The following SEMA3A variants were observed in gnomAD, a reference collection of about 807,000 sequenced individuals.
The protein encoded by SEMA3A is semaphorin 3A, also known as semaphorin-3A.
In SEMA3A, 29 loss-of-function variants were observed where a neutral mutation model predicts 97.9. That is an observed-to-expected ratio of 0.30 (90% CI 0.22 to 0.40). The LOEUF is 0.40. SEMA3A is among the 10% of genes least tolerant of loss of function. SEMA3A has a pLI of 1.00. For missense variants in SEMA3A, 763 were observed against 951.3 expected (o/e 0.80, Z 2.60); for synonymous variants, 321 against 323.7 (o/e 0.99, Z 0.09).
intron 1 of SEMA3A, among the ~76,000 whole-genome samples, chr7:84,429,229 T>C (rs1804904525): frequency 6.6e-6 from 1 of 151,784 alleles, no homozygotes; most frequent in South Asian, 2.1e-4. Flanking sequence ...TACCTACTAA[T>C]ATATCTGCTT....
intron 1 of SEMA3A, among the ~76,000 whole-genome samples, chr7:84,424,566 A>C (rs1584314071): frequency 1.2e-5 from 1 of 81,046 alleles, no homozygotes; most frequent in Non-Finnish European, 1.9e-5. Flanking sequence ...TATATAATAT[A>C]TAAATATTAA....
intron 2 of SEMA3A, among the ~76,000 whole-genome samples, chr7:84,342,318 A>G (rs1040058334): frequency 6.6e-6 from 1 of 152,140 alleles, no homozygotes; most frequent in African/African-American, 2.4e-5. Flanking sequence ...TACAGGTGTG[A>G]GCCACCACAC....
At chr7:84,328,597 G>A (rs148255908) in intron 2 of SEMA3A, among the ~76,000 whole-genome samples, 5 of 152,102 alleles carry the variant, frequency 3.3e-5, no homozygotes, top group African/African-American at 1.2e-4. Context: ...TGAATCAGTC[G>A]ATTATAACTG....
intron 1 of SEMA3A, among the ~76,000 whole-genome samples, chr7:84,437,652 T>C (rs1805171813): frequency 6.6e-6 from 1 of 151,782 alleles, no homozygotes; most frequent in African/African-American, 2.4e-5. Context: ...ATATCCATCC[T>C]GATACATGAG....
chr7:84,253,385 A>G (rs1243382142), intron 3 of SEMA3A, among the ~76,000 whole-genome samples: 1 of 152,078 alleles, frequency 6.6e-6, no homozygotes, highest in African/African-American at 2.4e-5. Context: ...AAATTGTGTT[A>G]AGGGTCACAA....
intron 1 of SEMA3A, among the ~76,000 whole-genome samples, chr7:84,470,022 A>G (rs1402799427): frequency 6.6e-6 from 1 of 151,726 alleles, no homozygotes; most frequent in Non-Finnish European, 1.5e-5. Flanking sequence ...AAATCATTAA[A>G]TATTCTAAAT....
chr7:84,241,246 T>C (rs1440132488), intron 3 of SEMA3A, among the ~76,000 whole-genome samples: 1 of 152,216 alleles, frequency 6.6e-6, no homozygotes, highest in Non-Finnish European at 1.5e-5. Flanking sequence ...TTCCTATTTC[T>C]CTACATCTTC....
intron 3 of SEMA3A, among the ~76,000 whole-genome samples, chr7:84,239,296 T>C (rs1799307142): frequency 6.6e-6 from 1 of 152,154 alleles, no homozygotes; most frequent in Non-Finnish European, 1.5e-5. Flanking sequence ...TGTAAAACAT[T>C]AGGTGTTTTA....
At chr7:84,124,667 A>G (rs1795736910) in intron 3 of SEMA3A, among the ~76,000 whole-genome samples, 1 of 152,202 alleles carries the variant, frequency 6.6e-6, no homozygotes, top group South Asian at 2.1e-4. Context: ...ATTGTTAAAA[A>G]TAATAATGCT....
Position 84,461,502 on chromosome 7 carries a change from A to G in SEMA3A, c.-246+30958T>C, listed in dbSNP as rs140412786. On this transcript the variant is annotated intron_variant, in intron 1 of 3. Coordinates refer to the SEMA3A transcript ENST00000424555. ...CAGCTGTCTTCCCCTTTTTTAAATA[A>G]GACAAACTTCAATGCATAATTTAGG... is the stretch of plus-strand genomic sequence containing the variant. Among the ~76,000 whole-genome samples the G allele has an allele frequency of 3.6e-3, 541 of 152,154 alleles. 2 individuals carry two copies. The highest frequency in any genetic ancestry group is 0.012 in the African/African-American group (510 of 41,518).
At chr7:84,409,690 A>T (rs1804207613) in intron 1 of SEMA3A, among the ~76,000 whole-genome samples, 1 of 152,128 alleles carries the variant, frequency 6.6e-6, no homozygotes, top group South Asian at 2.1e-4. Context: ...TTGATTTAGT[A>T]GTTCCCAAAT....
chr7:84,429,537 T>TAGAGAGAGAGAG (rs1359502527), intron 1 of SEMA3A, among the ~76,000 whole-genome samples: 1 of 120,470 alleles, frequency 8.3e-6, no homozygotes, highest in African/African-American at 3.2e-5. Context: ...TATATATATA[T>TAGAGAGAGAGAG]ATATATATAT....
chr7:84,254,121 T>C lies in SEMA3A; in HGVS notation c.-83+53086A>G, dbSNP rs79529650. 8.8e-3 allele frequency among the ~76,000 whole-genome samples: 1,342 copies of C among 152,232 alleles called. 2 individuals are homozygous for C. The highest frequency in any genetic ancestry group is 0.015 in the Non-Finnish European group (1,052 of 68,014). ...TCCTCAAACATCTGAAAGAGAGAAC[T>C]GGAAAGAAGGAGGCTGTGAGAGATT... On this transcript the variant is annotated intron_variant, in intron 3 of 3. Coordinates refer to the SEMA3A transcript ENST00000424555.
At chr7:84,041,975 C>T (rs1043584242) in intron 6 of SEMA3A, among the ~76,000 whole-genome samples, 12 of 152,002 alleles carry the variant, frequency 7.9e-5, no homozygotes, top group African/African-American at 2.7e-4. Flanking sequence ...ATAGTAAGAT[C>T]GAAATAGTGT....
intron 2 of SEMA3A, among the ~76,000 whole-genome samples, chr7:84,368,977 C>G (rs567063430): frequency 4.9e-4 from 74 of 150,842 alleles, no homozygotes; most frequent in Non-Finnish European, 9.4e-4. Flanking sequence ...AAATATATAT[C>G]CAGCCCAAAA....
At chr7:84,351,465 C>A (rs1437435810) in intron 2 of SEMA3A, among the ~76,000 whole-genome samples, 2 of 151,850 alleles carry the variant, frequency 1.3e-5, no homozygotes, top group African/African-American at 4.8e-5. Flanking sequence ...ATTTGACCAT[C>A]CTTATGGCAA....
intron 1 of SEMA3A, among the ~76,000 whole-genome samples, chr7:84,385,482 C>T (rs1475759367): frequency 6.6e-6 from 1 of 152,146 alleles, no homozygotes; most frequent in African/African-American, 2.4e-5. Context: ...CCAAACTCAT[C>T]GTTTCATTGC....
chr7:84,114,434 C>T (rs1795363547), intron 3 of SEMA3A, among the ~76,000 whole-genome samples: 1 of 152,006 alleles, frequency 6.6e-6, no homozygotes, highest in African/African-American at 2.4e-5. Context: ...TGACTCAGGT[C>T]AGTGAGAATT....
chr7:84,268,807 T>C (rs1800074485), intron 3 of SEMA3A, among the ~76,000 whole-genome samples: 1 of 152,134 alleles, frequency 6.6e-6, no homozygotes, highest in Non-Finnish European at 1.5e-5. Flanking sequence ...ATCAAATTAC[T>C]TGAAATTCAC....
Sources: allele counts gnomAD v4.1 joint callset (sites outside exome capture counted in the v4.1 genomes callset), GRCh38; gene constraint gnomAD v4.1.1; transcripts MANE v1.5; gene names NCBI Gene and HGNC (gene_info 2026-07-23, HGNC 2026-07-21).